The following CSPP1 variants were observed in gnomAD, a reference collection of about 807,000 sequenced individuals.
CSPP1 encodes centrosome and spindle pole associated protein 1, also known as centrosome and spindle pole-associated protein 1.
Under a neutral mutation model 164.4 loss-of-function variants are expected in CSPP1, and 126 were observed. That is an observed-to-expected ratio of 0.77 (90% CI 0.66 to 0.89). The LOEUF (loss-of-function observed/expected upper bound fraction) is 0.89, where lower values mean the gene tolerates loss of function less well. CSPP1 is among the 40% of genes least tolerant of loss of function. CSPP1 has a pLI of 0.00. For missense variants in CSPP1, 1,395 were observed against 1,449.8 expected (o/e 0.96, Z 0.61); for synonymous variants, 472 against 476.7 (o/e 0.99, Z 0.13).
intron 15 of CSPP1, among the ~76,000 whole-genome samples, chr8:67,127,880 A>T (rs1027873325): frequency 2.0e-5 from 3 of 152,244 alleles, no homozygotes; most frequent in African/African-American, 7.2e-5. Flanking sequence ...TTATCTTACA[A>T]ACCAATGACT....
intron 15 of CSPP1, 71 bp from the exon 16 acceptor site, chr8:67,131,879 CA>C: frequency 1.5e-6 from 2 of 1,368,350 alleles, no homozygotes; most frequent in Non-Finnish European, 9.9e-7. Flanking sequence ...CATGCTATTT[CA>C]AAAAACTGTT....
At chr8:67,104,799 G>T (rs1815033947) in intron 8 of CSPP1, among the ~76,000 whole-genome samples, 1 of 145,738 alleles carries the variant, frequency 6.9e-6, no homozygotes, top group South Asian at 2.2e-4. Flanking sequence ...CACCACGCCT[G>T]GCTAATTTTT....
At chr8:67,135,575 G>C (rs1252281522) in intron 16 of CSPP1, 1 of 152,246 alleles carries the variant, frequency 6.6e-6, no homozygotes, top group Non-Finnish European at 1.5e-5. Context: ...TAGAATTGAA[G>C]AAAGTTAGGG....
intron 24 of CSPP1, among the ~76,000 whole-genome samples, chr8:67,171,512 A>G (rs1190060344): frequency 2.0e-5 from 3 of 152,038 alleles, no homozygotes; most frequent in Non-Finnish European, 4.4e-5. Context: ...TCTCAGCAGT[A>G]GCCAGGACTA....
intron 3 of CSPP1, chr8:67,083,548 A>AAAAAAAAAATATATATATATAT (rs1332248754): frequency 1.1e-5 from 1 of 91,502 alleles, no homozygotes; most frequent in African/African-American, 4.5e-5. Flanking sequence ...AAAAAAAAAA[A>AAAAAAAAAATATATATATATAT]ATATATATAT....
intron 3 of CSPP1, among the ~76,000 whole-genome samples, chr8:67,082,699 T>C (rs1332100060): frequency 1.3e-5 from 2 of 152,216 alleles, no homozygotes; most frequent in Non-Finnish European, 2.9e-5. Flanking sequence ...AAATTAATTA[T>C]GAAGAAGTTA....
chr8:67,104,659 A>G (rs1262526045), intron 8 of CSPP1, among the ~76,000 whole-genome samples: 2 of 149,572 alleles, frequency 1.3e-5, no homozygotes, highest in Non-Finnish European at 3.0e-5. Flanking sequence ...CTTTTTTGAG[A>G]CAGAGTCTCA....
At chr8:67,071,927 A>G (rs1806868214) in intron 1 of CSPP1, among the ~76,000 whole-genome samples, 1 of 152,226 alleles carries the variant, frequency 6.6e-6, no homozygotes, top group Admixed American at 6.5e-5. Context: ...AATGTAAGAG[A>G]AAAAACTAAA....
At chr8:67,068,673 GAA>G (rs997884282) in intron 1 of CSPP1, among the ~76,000 whole-genome samples, 9 of 152,204 alleles carry the variant, frequency 5.9e-5, no homozygotes, top group African/African-American at 2.2e-4. Context: ...GTGAGAAAAA[GAA>G]AAGTGGCCGT....
chr8:67,090,044 A>G (rs1811300004), intron 4 of CSPP1, among the ~76,000 whole-genome samples: 1 of 152,118 alleles, frequency 6.6e-6, no homozygotes, highest in African/African-American at 2.4e-5. Flanking sequence ...TTGCCCAGTG[A>G]AGGAGTGAGG....
chr8:67,158,471 G>A lies in CSPP1; in HGVS notation c.2266G>A (p.Glu756Lys), dbSNP rs867666521. Residue 756 changes from glutamate (E) to lysine (K), a missense_variant, in exon 20 of 31, where the codon GAA becomes AAA. Glu to Lys is a moderately conservative substitution (Grantham distance 56). Coordinates refer to ENST00000678616, the MANE Select transcript of CSPP1 (RefSeq NM_001382391.1). ...FQIEEKKQRE[E>K]AERERLRIAE... ...GATTGAGGAAAAGAAACAAAGAGAGGAAGCAGAGCGAGAGAGACTGAGAAT... is the reference window on the plus strand; with the variant it reads ...GATTGAGGAAAAGAAACAAAGAGAGAAAGCAGAGCGAGAGAGACTGAGAAT... The A allele has an allele frequency of 6.2e-7, 1 of 1,607,462 alleles. No homozygotes were observed. Among genetic ancestry groups the A allele is most frequent in the Non-Finnish European group, 8.5e-7 (1 of 1,177,436 alleles).
chr8:67,150,360 T>C (rs2129558151), intron 18 of CSPP1, among the ~76,000 whole-genome samples: 1 of 152,278 alleles, frequency 6.6e-6, no homozygotes, highest in East Asian at 1.9e-4. Flanking sequence ...TAGTAATCAT[T>C]TACCCTCCCT....
intron 1 of CSPP1, among the ~76,000 whole-genome samples, chr8:67,066,313 G>A (rs1292701602): frequency 6.6e-6 from 1 of 152,172 alleles, no homozygotes; most frequent in Non-Finnish European, 1.5e-5. Context: ...CCATCTGCCA[G>A]GAGGAAGATG....
intron 24 of CSPP1, among the ~76,000 whole-genome samples, chr8:67,171,926 C>T (rs1830544324): frequency 6.6e-6 from 1 of 151,768 alleles, no homozygotes; most frequent in African/African-American, 2.4e-5. Context: ...CAGCTCACTG[C>T]AACCTCCACC....
intron 30 of CSPP1, 70 bp from the exon 31 acceptor site, chr8:67,195,312 A>G (rs1459123056): frequency 4.4e-6 from 4 of 913,636 alleles, no homozygotes; most frequent in African/African-American, 1.6e-5. Flanking sequence ...TTGGACTACA[A>G]GAGACCTGCG....
chr8:67,105,891 C>CT lies in CSPP1; in HGVS notation c.1023-7dup, dbSNP rs781187284. ...ATTTTAATTTACTCTTTTTCTCTGT[C>CT]TTTTTTTCTTTAGTGCTCCAGACAA... On this transcript the variant is annotated splice_polypyrimidine_tract_variant and intron_variant, in intron 8 of 30. Transcript: ENST00000678616. The CT allele has an allele frequency of 3.0e-5, 44 of 1,463,278 alleles. No homozygotes were observed. Among genetic ancestry groups the CT allele is most frequent in the Middle Eastern group, 1.7e-4 (1 of 5,774 alleles). The allele number at this position is 1,463,278 out of a possible 1,614,324, so 90.6% of individuals were successfully genotyped here. A position where few individuals can be genotyped will look rare whatever the true frequency, so the allele number is the denominator to read the frequency against.
intron 17 of CSPP1, among the ~76,000 whole-genome samples, chr8:67,142,045 G>A (rs1440494026): frequency 6.6e-6 from 1 of 152,012 alleles, no homozygotes; most frequent in Non-Finnish European, 1.5e-5. Flanking sequence ...CTCATTATAA[G>A]GCATAGTAGT....
intron 17 of CSPP1, among the ~76,000 whole-genome samples, chr8:67,146,795 A>G (rs1286986932): frequency 6.6e-6 from 1 of 152,170 alleles, no homozygotes; most frequent in African/African-American, 2.4e-5. Flanking sequence ...CTCAGTGAGG[A>G]GCACGTAAGT....
chr8:67,095,806 T>C (rs1812636541), intron 7 of CSPP1, 74 bp downstream of exon 7: 2 of 903,786 alleles, frequency 2.2e-6, no homozygotes, highest in Non-Finnish European at 1.7e-6. Context: ...GTTGTTACTT[T>C]TTATCATTAT....
Sources: allele counts gnomAD v4.1 joint callset (sites outside exome capture counted in the v4.1 genomes callset), GRCh38; gene constraint gnomAD v4.1.1; transcripts MANE v1.5; gene names NCBI Gene and HGNC (gene_info 2026-07-23, HGNC 2026-07-21).